The following MEOX1 variants were observed in gnomAD, a reference collection of about 807,000 sequenced individuals.
MEOX1 encodes the protein mesenchyme homeobox 1.
Under a neutral mutation model 23.2 loss-of-function variants are expected in MEOX1, and 17 were observed. That is an observed-to-expected ratio of 0.73 (90% confidence interval 0.50 to 1.10). The LOEUF (loss-of-function observed/expected upper bound fraction) is 1.10, where lower values mean the gene tolerates loss of function less well. MEOX1 is among the 50% of genes least tolerant of loss of function. The pLI, the probability that MEOX1 is intolerant of heterozygous loss-of-function variation, is 0.00. For missense variants in MEOX1, 333 were observed against 332.2 expected, an observed-to-expected ratio of 1.00 and a Z score of -0.02; for synonymous variants, 134 against 135.1, an observed-to-expected ratio of 0.99 and a Z score of 0.06.
chr17:43,659,591 T>C (rs1351316214), intron 1 of MEOX1, among the ~76,000 whole-genome samples: 1 of 152,200 alleles, frequency 6.6e-6, no homozygotes, highest in African/African-American at 2.4e-5. Flanking sequence ...TGGGGTTTCC[T>C]ACGACAGGAT....
chr17:43,652,825 CTTTTTTTT>C (rs397856379), intron 1 of MEOX1, among the ~76,000 whole-genome samples: 5 of 71,074 alleles, frequency 7.0e-5, no homozygotes, highest in South Asian at 1.4e-3. Context: ...TCTACTATTG[CTTTTTTTT>C]TTTTTTTTTT....
At chr17:43,643,240 AG>A (rs1428654379) in intron 2 of MEOX1, among the ~76,000 whole-genome samples, 1 of 152,188 alleles carries the variant, frequency 6.6e-6, no homozygotes, top group African/African-American at 2.4e-5. Context: ...TGAACCCAGG[AG>A]GTGGAGGTTA....
chr17:43,660,323 G>C (rs575353180), intron 1 of MEOX1, among the ~76,000 whole-genome samples: 49 of 152,300 alleles, frequency 3.2e-4, no homozygotes, highest in African/African-American at 1.1e-3. Context: ...GACTCCCTTG[G>C]CTGCCTGCCT....
chr17:43,653,558 T>C (rs1046444012), intron 1 of MEOX1, among the ~76,000 whole-genome samples: 3 of 146,896 alleles, frequency 2.0e-5, no homozygotes, highest in South Asian at 2.2e-4. Flanking sequence ...TCACCCAGGC[T>C]GGAGTGCAAT....
At chr17:43,642,436 T>C (rs1972714070) in intron 2 of MEOX1, among the ~76,000 whole-genome samples, 1 of 152,142 alleles carries the variant, frequency 6.6e-6, no homozygotes, top group Non-Finnish European at 1.5e-5. Flanking sequence ...GGTAAGCACA[T>C]TTTCTCATCT....
At chr17:43,643,746 T>C in intron 1 of MEOX1, 86 bp from the exon 2 acceptor site, 1 of 1,005,384 alleles carries the variant, frequency 9.9e-7, no homozygotes, top group Non-Finnish European at 1.4e-6. Flanking sequence ...CTAGGCAGTC[T>C]TTACCAGTCT....
In MEOX1 at chr17:43,643,587, C is replaced by G; in HGVS notation, c.543G>C (p.Glu181Asp). 6.2e-7 allele frequency: 1 copy of G among 1,613,424 alleles called. No individual in the cohort carries two copies. Among genetic ancestry groups the G allele is most frequent in the South Asian group, 1.1e-5 (1 of 90,706 alleles). ...ACTCTGCCTCCAGCTCTCGCAGCTG[C>G]TCCTTGGTGAAGGCCGTCCTCTCCT... ...ARKERTAFTK[E>D]QLRELEAEFA... Residue 181 changes from glutamate to aspartate, a missense_variant, in exon 2 of 3, where the codon GAG becomes GAC. By Grantham distance (45) the Glu-to-Asp change is conservative (BLOSUM62 2). Transcript: ENST00000318579.
At chr17:43,642,154 C>T in intron 2 of MEOX1, 122 bp from the exon 3 acceptor site, 2 of 1,000,488 alleles carry the variant, frequency 2.0e-6, no homozygotes, top group Non-Finnish European at 2.9e-6. Flanking sequence ...TCACTTACCA[C>T]TCCCTACTCC....
intron 1 of MEOX1, among the ~76,000 whole-genome samples, chr17:43,649,102 G>A (rs1178505628): frequency 2.0e-5 from 3 of 152,082 alleles, no homozygotes; most frequent in Non-Finnish European, 4.4e-5. Context: ...GCTGGATAGC[G>A]GGCGTTAACA....
intron 1 of MEOX1, among the ~76,000 whole-genome samples, chr17:43,657,034 C>CTTTT (rs1486517669): frequency 7.7e-6 from 1 of 130,358 alleles, no homozygotes; most frequent in Non-Finnish European, 1.7e-5. Context: ...TTCTTTCTTT[C>CTTTT]TTTCTTTCTT....
intron 1 of MEOX1, among the ~76,000 whole-genome samples, chr17:43,657,071 TTTCTTTC>T (rs1370881170): frequency 1.1e-4 from 10 of 93,380 alleles, no homozygotes; most frequent in African/African-American, 4.6e-4. Flanking sequence ...TCCTTCCTTC[TTTCTTTC>T]TTTTCTTTCT....
chr17:43,649,797 C>T (rs1173307791), intron 1 of MEOX1, among the ~76,000 whole-genome samples: 3 of 152,192 alleles, frequency 2.0e-5, no homozygotes, highest in Non-Finnish European at 4.4e-5. Context: ...GTTGCCCCAC[C>T]CCAGCCCCTG....
rs543953387 is a variant in MEOX1 at position 43,641,698 on chromosome 17, G to A, written c.*212C>T. On this transcript the variant is annotated 3_prime_UTR_variant, in exon 3 of 3. Transcript: ENST00000318579. ...GATTCCATGAGAGTGTGGGAGCAAA[G>A]GCCCTAGGGAAGAGGCTGCTAAGAG... 2.5e-5 allele frequency: 13 copies of A among 512,798 alleles called. No individual in the cohort carries two copies. The highest frequency in any genetic ancestry group is 4.5e-5 in the Non-Finnish European group (13 of 291,052). The allele number at this position is 512,798 out of a possible 1,614,324, so 31.8% of individuals were successfully genotyped here. A position where few individuals can be genotyped will look rare whatever the true frequency, so the allele number is the denominator to read the frequency against.
At chr17:43,649,654 A>G (rs1304638319) in intron 1 of MEOX1, among the ~76,000 whole-genome samples, 1 of 152,118 alleles carries the variant, frequency 6.6e-6, no homozygotes, top group Non-Finnish European at 1.5e-5. Context: ...TCCAGGCACA[A>G]CAACTAGATG....
At chr17:43,650,837 T>C (rs1708039438) in intron 1 of MEOX1, among the ~76,000 whole-genome samples, 1 of 152,162 alleles carries the variant, frequency 6.6e-6, no homozygotes, top group South Asian at 2.1e-4. Context: ...GATGTTCACA[T>C]CCAGGATCTC....
intron 1 of MEOX1, among the ~76,000 whole-genome samples, chr17:43,656,073 A>G (rs1464144350): frequency 6.6e-6 from 1 of 152,232 alleles, no homozygotes; most frequent in Non-Finnish European, 1.5e-5. Flanking sequence ...CCTTTATGAA[A>G]CAACTGCAAG....
chr17:43,654,541 T>G (rs945404654), intron 1 of MEOX1, among the ~76,000 whole-genome samples: 1 of 151,526 alleles, frequency 6.6e-6, no homozygotes, highest in Non-Finnish European at 1.5e-5. Flanking sequence ...AAAAATATGG[T>G]CAGGTGTAGT....
chr17:43,660,311 C>T (rs942871558), intron 1 of MEOX1, among the ~76,000 whole-genome samples: 1 of 152,212 alleles, frequency 6.6e-6, no homozygotes, highest in African/African-American at 2.4e-5. Flanking sequence ...GACTCCAGCA[C>T]GGACTCCCTT....
chr17:43,641,975 G>T lies in MEOX1; in HGVS notation c.700C>A (p.Pro234Thr), dbSNP rs148250692. The T allele has an allele frequency of 2.5e-4, 404 of 1,614,004 alleles. 2 individuals carry two copies. In the African/African-American group the frequency reaches 4.9e-3, roughly 20 times the overall value. Reference protein sequence around the residue: ...MKWKRVKGGQPISPNGQDPED... With the variant: ...MKWKRVKGGQTISPNGQDPED... ...GGGTCCTGCCCATTGGGGGAGATGGGCTGACCTCCCTTCACACGCTTCCAC... is the reference window on the plus strand; with the variant it reads ...GGGTCCTGCCCATTGGGGGAGATGGTCTGACCTCCCTTCACACGCTTCCAC... The change falls in exon 3 of 3, where the codon CCC (proline) becomes ACC (threonine). Residue 234 changes from proline to threonine, a missense_variant. Transcript: ENST00000318579.
Sources: allele counts gnomAD v4.1 joint callset (sites outside exome capture counted in the v4.1 genomes callset), GRCh38; gene constraint gnomAD v4.1.1; transcripts MANE v1.5; gene names NCBI Gene and HGNC (gene_info 2026-07-23, HGNC 2026-07-21).